LRRC25: variants seen among roughly 807,000 people sequenced by gnomAD.
LRRC25 encodes leucine rich repeat containing 25.
Under a neutral mutation model 18.8 loss-of-function variants are expected in LRRC25, and 5 were observed. That is an observed-to-expected ratio of 0.27 (90% CI 0.14 to 0.56). The LOEUF (loss-of-function observed/expected upper bound fraction) is 0.56, where lower values mean the gene tolerates loss of function less well. LRRC25 is among the 20% of genes least tolerant of loss of function. LRRC25 has a pLI of 0.93. For synonymous variants in LRRC25, 161 were observed against 176.8 expected (o/e 0.91, Z 0.71); for missense variants, 341 against 389.8 (o/e 0.87, Z 1.05).
intron 1 of LRRC25, 83 bp from the exon 2 acceptor site, chr19:18,392,208 G>C: frequency 6.9e-7 from 1 of 1,450,648 alleles, no homozygotes; most frequent in South Asian, 1.2e-5. Context: ...AAAGTCCAGA[G>C]TGGGCCAGGT....
At position 18,396,822 on chromosome 19, in the gene LRRC25, G is replaced by T. The variant is rs1351937519; in HGVS notation, c.142C>A (p.Leu48Ile). 1 of 1,614,030 alleles carries T rather than the reference G, an allele frequency of 6.2e-7. No homozygotes were observed. Among genetic ancestry groups the T allele is most frequent in the Non-Finnish European group, 8.5e-7 (1 of 1,180,030 alleles). The change falls in exon 1 of 2, where the codon CTC becomes ATC. Residue 48 changes from leucine (L) to isoleucine (I), a missense_variant. Leu to Ile is a conservative substitution (Grantham distance 5). Transcript: ENST00000339007. Reference protein sequence around the residue: ...FSATCLNFSGLSLSLPHNQSL... With the variant: ...FSATCLNFSGISLSLPHNQSL... ...TGGTTGTGAGGCAGGCTCAGGCTGA[G>T]GCCACTGAAATTCAGGCACGTGGCA...
intron 1 of LRRC25, among the ~76,000 whole-genome samples, chr19:18,394,777 CCCAGCAAAATCAT>C (rs1971946850): frequency 6.6e-6 from 1 of 152,156 alleles, no homozygotes; most frequent in Non-Finnish European, 1.5e-5. Context: ...TTTGTCTAAG[CCCAGCAAAATCAT>C]CCAGAAGCCG....
chr19:18,393,904 CG>C (rs1310751917), intron 1 of LRRC25, among the ~76,000 whole-genome samples: 1 of 152,154 alleles, frequency 6.6e-6, no homozygotes, highest in African/African-American at 2.4e-5. Context: ...CCGGAAGCCT[CG>C]GGGACAGGGA....
chr19:18,396,348 C>A lies in LRRC25; in HGVS notation c.616G>T (p.Ala206Ser), dbSNP rs1400516357. The change falls in exon 1 of 2, where the codon GCT becomes TCT. Residue 206 changes from alanine to serine, a missense_variant. Coordinates refer to ENST00000339007, the MANE Select transcript of LRRC25 (RefSeq NM_145256.3). ...CCGGGCTTGGGCCCATCCTGAGCAG[C>A]CCAGGGTTTGTTCAGCTCCCGGCTT... ...ARSRELNKPW[A>S]AQDGPKPGLG... is the part of the protein sequence containing the mutation. The A allele has an allele frequency of 7.4e-6, 12 of 1,613,764 alleles. No individual in the cohort carries two copies. The highest frequency in any genetic ancestry group is 1.7e-5 in the Admixed American group (1 of 59,990).
chr19:18,392,957 T>A (rs1971920769), intron 1 of LRRC25, among the ~76,000 whole-genome samples: 1 of 152,120 alleles, frequency 6.6e-6, no homozygotes, highest in Admixed American at 6.5e-5. Context: ...ACCACTGCAC[T>A]GCAGCCTGGA....
intron 1 of LRRC25, among the ~76,000 whole-genome samples, chr19:18,395,489 G>C (rs886440410): frequency 2.0e-5 from 3 of 152,054 alleles, no homozygotes; most frequent in Non-Finnish European, 4.4e-5. Context: ...GACAGAAATG[G>C]AGGTTCAGAG....
intron 1 of LRRC25, among the ~76,000 whole-genome samples, chr19:18,395,628 G>A (rs1361856555): frequency 6.6e-6 from 1 of 151,964 alleles, no homozygotes; most frequent in African/African-American, 2.4e-5. Context: ...CAGGTCATAA[G>A]GGGGGGAAGT....
At position 18,397,179 on chromosome 19, in the gene LRRC25, G is replaced by A; in HGVS notation, c.-216C>T. On this transcript the variant is annotated 5_prime_UTR_variant, in exon 1 of 2. Transcript: ENST00000339007. ...TGGGTAGATAACCCCAGTGCTTAGC[G>A]GGCTTGGAAGGCGAGGAGGAGATCC... 3 of 592,776 alleles carry A rather than the reference G, an allele frequency of 5.1e-6. No individual in the cohort carries two copies. The highest frequency in any genetic ancestry group is 5.6e-5 in the East Asian group (2 of 35,806). 36.7% of individuals were successfully genotyped at this position (592,776 alleles called of 1,614,324 possible).
Position 18,397,178 on chromosome 19 carries a change from C to T in LRRC25, c.-215G>A. On this transcript the variant is annotated 5_prime_UTR_variant, in exon 1 of 2. Transcript: ENST00000339007. ...ATGGGTAGATAACCCCAGTGCTTAG[C>T]GGGCTTGGAAGGCGAGGAGGAGATC... is the stretch of plus-strand genomic sequence containing the variant. 1.7e-6 allele frequency: 1 copy of T among 594,532 alleles called. No homozygotes were observed. Among genetic ancestry groups the T allele is most frequent in the Non-Finnish European group, 3.0e-6 (1 of 337,612 alleles). 36.8% of individuals were successfully genotyped at this position (594,532 alleles called of 1,614,324 possible).
chr19:18,394,345 G>T (rs1360649639), intron 1 of LRRC25, among the ~76,000 whole-genome samples: 1 of 137,400 alleles, frequency 7.3e-6, no homozygotes, highest in African/African-American at 2.8e-5. Context: ...TCGCTCTGTC[G>T]CCCAGGCTGG....
chr19:18,395,138 G>A (rs1236193227), intron 1 of LRRC25, among the ~76,000 whole-genome samples: 1 of 152,122 alleles, frequency 6.6e-6, no homozygotes. Context: ...TAAGGAGGCT[G>A]AGGTGGGCGG....
At position 18,396,685 on chromosome 19, in the gene LRRC25, T is replaced by C. The variant is rs1337859765; in HGVS notation, c.279A>G (p.Leu93=). Residue 93 remains leucine, a synonymous_variant, in exon 1 of 2, where the codon CTA becomes CTG. Coordinates refer to ENST00000339007, the MANE Select transcript of LRRC25 (RefSeq NM_145256.3). ...CATCCACACGAGACAAGGGGTTGCGTAGCACGTTCAGGACCTCAAGCTTCT... is the reference window on the plus strand; with the variant it reads ...CATCCACACGAGACAAGGGGTTGCGCAGCACGTTCAGGACCTCAAGCTTCT... ...HLQKLEVLNV[L]RNPLSRVDGA... is the part of the protein sequence containing the mutation. The C allele has an allele frequency of 6.2e-7, 1 of 1,613,852 alleles. No homozygotes were observed. The highest frequency in any genetic ancestry group is 1.3e-5 in the African/African-American group (1 of 74,890).
At chr19:18,392,707 C>A in intron 1 of LRRC25, among the ~76,000 whole-genome samples, 1 of 151,916 alleles carries the variant, frequency 6.6e-6, no homozygotes, top group East Asian at 1.9e-4. Context: ...AATGAGATAG[C>A]GGCCAGGCGC....
At position 18,397,213 on chromosome 19, in the gene LRRC25, T is replaced by C; in HGVS notation, c.-250A>G. On this transcript the variant is annotated 5_prime_UTR_variant, in exon 1 of 2. Transcript: ENST00000339007. Reference sequence around the variant, plus strand: ...AGGCGAGGAGGAGATCCGGGCCAGTTAACCCCTTCTTCTATGTCCTGAACA... The same window carrying C: ...AGGCGAGGAGGAGATCCGGGCCAGTCAACCCCTTCTTCTATGTCCTGAACA... The C allele has an allele frequency of 1.8e-6, 1 of 559,508 alleles. No individual in the cohort carries two copies. The highest frequency in any genetic ancestry group is 2.9e-5 in the East Asian group (1 of 34,296). The allele number at this position is 559,508 out of a possible 1,614,324, so 34.7% of individuals were successfully genotyped here.
In LRRC25 at chr19:18,391,168, T is replaced by C. The variant is rs1043813940; in HGVS notation, c.*819A>G. The C allele has an allele frequency of 6.6e-6, 1 of 152,182 alleles. No individual in the cohort carries two copies. The highest frequency in any genetic ancestry group is 6.5e-5 in the Admixed American group (1 of 15,278). 9.4% of individuals were successfully genotyped at this position (152,182 alleles called of 1,614,324 possible). On this transcript the variant is annotated 3_prime_UTR_variant, in exon 2 of 2. Transcript: ENST00000339007. ...CTAAAGGAATATATACATTTTTTTA[T>C]TTTGGGGTTGGTGTGGGCTGCTCTG...
At position 18,396,268 on chromosome 19, in the gene LRRC25, G is replaced by C. The variant is rs758671555; in HGVS notation, c.696C>G (p.Ala232=). ...CGGGAGTGGAGGGGCAGGATGGCAC[G>C]GCCACTTGGGGCTTGGGGGCGCTCC... is the stretch of plus-strand genomic sequence containing the variant. ...GSRSAPKPQV[A]VPSCPSTPDY... The change falls in exon 1 of 2, where the codon GCC becomes GCG. Residue 232 remains alanine (A), a synonymous_variant. Coordinates refer to ENST00000339007, the MANE Select transcript of LRRC25 (RefSeq NM_145256.3). 4 of 1,613,584 alleles carry C rather than the reference G, an allele frequency of 2.5e-6. No individual in the cohort carries two copies. In the South Asian group the frequency reaches 3.3e-5, roughly 13 times the overall value.
At position 18,396,324 on chromosome 19, in the gene LRRC25, CG is replaced by C; in HGVS notation, c.639del (p.Gly214ValfsTer2). The part of the protein sequence containing the change: ...KPWAAQDGPK[P>X]GLGLQPRYGS... ...CCGTACCGTGGCTGCAAGCCTAAAC[CG>C]GGCTTGGGCCCATCCTGAGCAGCCC... On this transcript the variant is annotated frameshift_variant, in exon 1 of 2. Transcript: ENST00000339007. LOFTEE classifies it high-confidence loss of function. The C allele has an allele frequency of 6.2e-7, 1 of 1,613,908 alleles. No homozygotes were observed. The highest frequency in any genetic ancestry group is 8.5e-7 in the Non-Finnish European group (1 of 1,179,994).
At chr19:18,392,749 G>A (rs932319007) in intron 1 of LRRC25, among the ~76,000 whole-genome samples, 4 of 152,104 alleles carry the variant, frequency 2.6e-5, no homozygotes, top group African/African-American at 9.7e-5. Context: ...CAGCACTTTG[G>A]GAGGCCAAGG....
At position 18,397,162 on chromosome 19, in the gene LRRC25, T is replaced by C. The variant is rs559462362; in HGVS notation, c.-199A>G. On this transcript the variant is annotated 5_prime_UTR_variant, in exon 1 of 2. Coordinates refer to ENST00000339007, the MANE Select transcript of LRRC25 (RefSeq NM_145256.3). ...TCTCCCCTTCTGGGGAATGGGTAGATAACCCCAGTGCTTAGCGGGCTTGGA... is the reference window on the plus strand; with the variant it reads ...TCTCCCCTTCTGGGGAATGGGTAGACAACCCCAGTGCTTAGCGGGCTTGGA... 1 of 614,258 alleles carries C rather than the reference T, an allele frequency of 1.6e-6. No individual in the cohort carries two copies. Among genetic ancestry groups the C allele is most frequent in the East Asian group, 2.8e-5 (1 of 36,234 alleles). The allele number at this position is 614,258 out of a possible 1,614,324, so 38.1% of individuals were successfully genotyped here.
Sources: allele counts gnomAD v4.1 joint callset (sites outside exome capture counted in the v4.1 genomes callset), GRCh38; gene constraint gnomAD v4.1.1; transcripts MANE v1.5; gene names NCBI Gene and HGNC (gene_info 2026-07-23, HGNC 2026-07-21).